Variants in KALRN observed in about 807,000 individuals in gnomAD.
The protein encoded by KALRN is kalirin RhoGEF kinase.
A neutral mutation model predicts 353.7 loss-of-function variants in KALRN; 70 were observed. The observed-to-expected ratio is 0.20, with a 90% confidence interval of 0.16 to 0.24. The LOEUF is 0.24. Ranked by LOEUF, KALRN falls within the 10% of genes least tolerant of loss-of-function variation. The pLI is 1.00. For synonymous variants in KALRN, 1,391 were observed against 1,434.8 expected, an observed-to-expected ratio of 0.97 and a Z score of 0.69; for missense variants, 2,791 against 3,756.7, an observed-to-expected ratio of 0.74 and a Z score of 6.72.
intron 1 of KALRN, among the ~76,000 whole-genome samples, chr3:124,108,168 C>T (rs1357298662): frequency 6.6e-6 from 1 of 152,132 alleles, no homozygotes; most frequent in Non-Finnish European, 1.5e-5. Context: ...ATATTTGCCC[C>T]TTGCTACCTT....
rs182736689 is a variant in KALRN, at chr3:124,618,980, A to G, written c.5183-13440A>G. ...TATTTTAAAATGAATGTTATGGTAT[A>G]TATCTTAGGTATATGACATGATGTT... is the stretch of plus-strand genomic sequence containing the variant. On this transcript the variant is annotated intron_variant, in intron 34 of 59. Coordinates refer to ENST00000682506, the MANE Select transcript of KALRN (RefSeq NM_001388419.1). Among the ~76,000 whole-genome samples the G allele has an allele frequency of 7.9e-5, 12 of 152,328 alleles. No homozygotes were observed. The East Asian group carries it at 1.5e-3, about 20-fold the overall frequency.
At position 124,152,577 on chromosome 3, in the gene KALRN, C is replaced by CT. The variant is rs112711226; in HGVS notation, c.74-75410dup. ...CTTTTCTTTTCTTTTCTTTTCTTTT[C>CT]TTTCTTTCTTTCTTTCTTTTTTTTT... is the stretch of plus-strand genomic sequence containing the variant. On this transcript the variant is annotated intron_variant, in intron 1 of 59. Transcript: ENST00000682506. 2.3e-3 allele frequency: 1,271 copies of CT among 561,016 alleles called. 10 individuals carry two copies. The highest frequency in any genetic ancestry group is 0.022 in the African/African-American group (877 of 39,902). 34.8% of individuals were successfully genotyped at this position (561,016 alleles called of 1,614,324 possible).
chr3:124,329,833 C>T (rs909712787), intron 7 of KALRN, 28 bp from the exon 8 acceptor site: 2 of 1,606,840 alleles, frequency 1.2e-6, no homozygotes, highest in African/African-American at 1.3e-5. Context: ...AGTGCTCCCC[C>T]ACTGATCCAC....
Position 124,719,493 on chromosome 3 carries a change from T to C in KALRN, c.*23T>C, listed in dbSNP as rs767680929. The C allele has an allele frequency of 6.3e-7, 1 of 1,597,730 alleles. No individual in the cohort carries two copies. Among genetic ancestry groups the C allele is most frequent in the Non-Finnish European group, 8.5e-7 (1 of 1,169,766 alleles). ...TAGCCATCTCCCAGCCCCTATGGTT[T>C]CACATAGACGTGCAGTGTGAACCAA... On this transcript the variant is annotated 3_prime_UTR_variant, in exon 60 of 60. Coordinates refer to ENST00000682506, the MANE Select transcript of KALRN (RefSeq NM_001388419.1). This position sits in a 1 kb window ranked among gnomAD's most constrained non-coding sequence, Gnocchi z 5.3.
chr3:124,594,768 A>G (rs901395198), intron 34 of KALRN, among the ~76,000 whole-genome samples: 1 of 152,076 alleles, frequency 6.6e-6, no homozygotes, highest in African/African-American at 2.4e-5. Context: ...GTGAATGATC[A>G]GCCTTTATCT....
At chr3:124,446,436 T>A (rs1049257036) in intron 20 of KALRN, among the ~76,000 whole-genome samples, 160 bp downstream of exon 20, 3 of 152,170 alleles carry the variant, frequency 2.0e-5, no homozygotes, top group African/African-American at 7.2e-5. Context: ...CAGTTCAGCA[T>A]TTACCAAGCT....
intron 1 of KALRN, among the ~76,000 whole-genome samples, chr3:124,172,631 T>C (rs905612341): frequency 6.6e-6 from 1 of 151,996 alleles, no homozygotes; most frequent in Non-Finnish European, 1.5e-5. Flanking sequence ...TCGTTGAGAA[T>C]AGGAGAAGAA....
chr3:124,571,276 A>T (rs1452139215), intron 34 of KALRN, among the ~76,000 whole-genome samples: 1 of 152,244 alleles, frequency 6.6e-6, no homozygotes, highest in South Asian at 2.1e-4. Flanking sequence ...TAAATTCAAC[A>T]ATCCTGACTT....
At position 124,562,728 on chromosome 3, in the gene KALRN, C is replaced by T. The variant is rs2072216614; in HGVS notation, c.4936-115C>T. The T allele has an allele frequency of 1.7e-5, 16 of 967,934 alleles. No individual in the cohort carries two copies. In the South Asian group the frequency reaches 2.6e-4, roughly 16 times the overall value. 60.0% of individuals were successfully genotyped at this position (967,934 alleles called of 1,614,324 possible). A position where few individuals can be genotyped will look rare whatever the true frequency, so the allele number is the denominator to read the frequency against. On this transcript the variant is annotated intron_variant, in intron 33 of 59. Transcript: ENST00000682506. Reference sequence around the variant, plus strand: ...TTTCCTCTTTATTCCCCTTCTCTTCCTCCTTACCTCTGCTCTCACACATCC... The same window carrying T: ...TTTCCTCTTTATTCCCCTTCTCTTCTTCCTTACCTCTGCTCTCACACATCC...
intron 34 of KALRN, among the ~76,000 whole-genome samples, chr3:124,589,769 C>G (rs1255526803): frequency 6.6e-6 from 1 of 152,130 alleles, no homozygotes; most frequent in African/African-American, 2.4e-5. Context: ...TTCCAGGAAC[C>G]CCTGCGGGTA....
intron 23 of KALRN, among the ~76,000 whole-genome samples, chr3:124,460,585 C>T (rs1349997719): frequency 3.3e-5 from 5 of 152,212 alleles, no homozygotes; most frequent in Admixed American, 2.0e-4. Context: ...GTTTCCTGAG[C>T]ACCTACCATG....
intron 5 of KALRN, among the ~76,000 whole-genome samples, chr3:124,282,967 A>C (rs1034655682): frequency 6.6e-6 from 1 of 152,148 alleles, no homozygotes; most frequent in Non-Finnish European, 1.5e-5. Flanking sequence ...TCCTAAGCTC[A>C]AGGTCAGGCC....
chr3:124,659,125 G>T (rs73193761), intron 42 of KALRN, among the ~76,000 whole-genome samples: 66 of 152,336 alleles, frequency 4.3e-4, no homozygotes, highest in Non-Finnish European at 7.9e-4. Flanking sequence ...GAAGACCAAG[G>T]TGTGGAAGTA....
At chr3:124,343,959 T>C (rs946095451) in intron 9 of KALRN, among the ~76,000 whole-genome samples, 7 of 152,220 alleles carry the variant, frequency 4.6e-5, no homozygotes, top group African/African-American at 1.7e-4. Context: ...TACCCACACA[T>C]GCTTCTCTGC....
intron 1 of KALRN, among the ~76,000 whole-genome samples, chr3:124,224,621 T>C (rs2078280856): frequency 6.6e-6 from 1 of 152,194 alleles, no homozygotes; most frequent in East Asian, 1.9e-4. Flanking sequence ...TTCTCCCATT[T>C]TGGCATTTTG....
At position 124,702,218 on chromosome 3, in the gene KALRN, G is replaced by A. The variant is rs970040028; in HGVS notation, c.8075+102G>A. 4 of 695,770 alleles carry A rather than the reference G, an allele frequency of 5.7e-6. No homozygotes were observed. The South Asian group carries it at 6.9e-5, about 12-fold the overall frequency. The allele number at this position is 695,770 out of a possible 1,614,324, so 43.1% of individuals were successfully genotyped here. ...GTCATTGTTTATTTCTTTTACAAAT[G>A]CAATTCTCTCCATAGCAAGAAAAAA... On this transcript the variant is annotated intron_variant, in intron 57 of 59. Coordinates refer to ENST00000682506, the MANE Select transcript of KALRN (RefSeq NM_001388419.1).
intron 6 of KALRN, among the ~76,000 whole-genome samples, chr3:124,299,718 T>C (rs751482204): frequency 2.0e-5 from 3 of 152,200 alleles, no homozygotes; most frequent in African/African-American, 4.8e-5. Flanking sequence ...GCCTGGCACA[T>C]AGTAAGTCAT....
At chr3:124,090,472 G>A (rs1009049666) in intron 1 of KALRN, among the ~76,000 whole-genome samples, 1 of 152,216 alleles carries the variant, frequency 6.6e-6, no homozygotes, top group Non-Finnish European at 1.5e-5. Flanking sequence ...GTGGCAGAAC[G>A]AAGGCTTTCT....
intron 9 of KALRN, among the ~76,000 whole-genome samples, chr3:124,335,932 C>G (rs1416651742): frequency 6.6e-6 from 1 of 152,084 alleles, no homozygotes; most frequent in Non-Finnish European, 1.5e-5. Context: ...GCCAACTGTA[C>G]ATGTCTTTGG....
Sources: allele counts gnomAD v4.1 joint callset (sites outside exome capture counted in the v4.1 genomes callset), GRCh38; gene constraint gnomAD v4.1.1; non-coding constraint Gnocchi (gnomAD v3.1); transcripts MANE v1.5; gene names NCBI Gene and HGNC (gene_info 2026-07-23, HGNC 2026-07-21).